TMEM178B: variants seen among roughly 807,000 people sequenced by gnomAD.
The protein encoded by TMEM178B is transmembrane protein 178B.
A neutral mutation model predicts 31.0 loss-of-function variants in TMEM178B; 5 were observed. That is an observed-to-expected ratio of 0.16 (90% CI 0.08 to 0.34). The LOEUF (loss-of-function observed/expected upper bound fraction) is 0.34. TMEM178B is among the 10% of genes least tolerant of loss of function. The pLI is 1.00. For missense variants in TMEM178B, 275 were observed against 400.3 expected (o/e 0.69, Z 2.67); for synonymous variants, 164 against 164.0 (o/e 1.00, Z 0.00).
intron 2 of TMEM178B, among the ~76,000 whole-genome samples, chr7:141,327,188 T>C (rs561134373): frequency 8.4e-4 from 128 of 152,324 alleles, no homozygotes; most frequent in African/African-American, 3.0e-3. Context: ...GCATGATGTA[T>C]AGAGTTTATG....
chr7:141,187,259 AAGG>A (rs1796625322), intron 1 of TMEM178B, among the ~76,000 whole-genome samples: 4 of 151,706 alleles, frequency 2.6e-5, no homozygotes, highest in Admixed American at 6.6e-5. Flanking sequence ...TGTCCCTACA[AAGG>A]ACATGAGCTC....
At chr7:141,252,796 G>A (rs1797856642) in intron 2 of TMEM178B, among the ~76,000 whole-genome samples, 1 of 152,168 alleles carries the variant, frequency 6.6e-6, no homozygotes, top group South Asian at 2.1e-4. Context: ...TCCAAAGTCT[G>A]AAAGCCAATA....
chr7:141,126,461 G>A (rs373845690), intron 1 of TMEM178B, among the ~76,000 whole-genome samples: 25 of 152,314 alleles, frequency 1.6e-4, no homozygotes, highest in Non-Finnish European at 1.2e-4. Flanking sequence ...GCAGTTTTAC[G>A]TGGAAGGCTG....
chr7:141,439,194 C>T (rs1451459951), intron 3 of TMEM178B, among the ~76,000 whole-genome samples: 2 of 152,030 alleles, frequency 1.3e-5, no homozygotes, highest in Non-Finnish European at 2.9e-5. Flanking sequence ...ACCCTTATTC[C>T]CTTGAAACAC....
chr7:141,166,179 C>A lies in TMEM178B; in HGVS notation c.383-46412C>A, dbSNP rs572286043. On this transcript the variant is annotated intron_variant, in intron 1 of 3. Transcript: ENST00000565468. ...ATAGTAGGTGGGACCCAGATGAAAC[C>A]TTCTTCCCAATTATGAAGTTCCCCT... Among the ~76,000 whole-genome samples the A allele has an allele frequency of 1.1e-4, 16 of 152,332 alleles. No homozygotes were observed. The Middle Eastern group carries it at 0.01, about 97-fold the overall frequency.
chr7:141,337,170 C>T (rs1416914181), intron 2 of TMEM178B, among the ~76,000 whole-genome samples: 14 of 73,902 alleles, frequency 1.9e-4, no homozygotes, highest in East Asian at 8.2e-4. Flanking sequence ...ACCACCACCA[C>T]CACCACCACC....
chr7:141,217,604 A>T (rs1251575647), intron 2 of TMEM178B, among the ~76,000 whole-genome samples: 2 of 151,468 alleles, frequency 1.3e-5, no homozygotes, highest in African/African-American at 4.9e-5. Context: ...ACAGAGCGAG[A>T]CTCCATCTCA....
At chr7:141,186,963 T>G (rs1159155240) in intron 1 of TMEM178B, among the ~76,000 whole-genome samples, 1 of 152,138 alleles carries the variant, frequency 6.6e-6, no homozygotes, top group Non-Finnish European at 1.5e-5. Flanking sequence ...TATTATACTT[T>G]AAGTTCTAGG....
intron 1 of TMEM178B, among the ~76,000 whole-genome samples, chr7:141,200,447 G>A (rs1029028976): frequency 2.0e-5 from 3 of 152,146 alleles, no homozygotes; most frequent in South Asian, 4.1e-4. Context: ...TGAAGGAGCT[G>A]TGGAATGAAA....
At chr7:141,504,034 T>G in the TMEM178B span, among the ~76,000 whole-genome samples, 1 of 152,222 alleles carries the variant, frequency 6.6e-6, no homozygotes, top group African/African-American at 2.4e-5. Flanking sequence ...GGCAGAATTT[T>G]AGAAGAAAAG....
chr7:141,247,071 A>G (rs1797743079), intron 2 of TMEM178B, among the ~76,000 whole-genome samples: 1 of 152,094 alleles, frequency 6.6e-6, no homozygotes, highest in African/African-American at 2.4e-5. Flanking sequence ...ATCCTGACAG[A>G]ATTATATATG....
At chr7:141,351,200 A>G (rs961912623) in intron 2 of TMEM178B, among the ~76,000 whole-genome samples, 1 of 152,226 alleles carries the variant, frequency 6.6e-6, no homozygotes, top group Admixed American at 6.5e-5. Flanking sequence ...TTTGCTGCAA[A>G]TGACCCCCAA....
chr7:141,228,599 T>C (rs1797384016), intron 2 of TMEM178B, among the ~76,000 whole-genome samples: 1 of 152,204 alleles, frequency 6.6e-6, no homozygotes, highest in South Asian at 2.1e-4. Context: ...AGGAGATGGC[T>C]GGTGCCCTCC....
chr7:141,236,467 A>G (rs138546074), intron 2 of TMEM178B, among the ~76,000 whole-genome samples: 1 of 152,332 alleles, frequency 6.6e-6, no homozygotes, highest in Non-Finnish European at 1.5e-5. Context: ...GCACTGGGGC[A>G]CTTTCTCTTG....
intron 2 of TMEM178B, among the ~76,000 whole-genome samples, chr7:141,338,212 G>A (rs1031821857): frequency 1.3e-5 from 2 of 152,146 alleles, no homozygotes; most frequent in African/African-American, 4.8e-5. Flanking sequence ...TATAACAAAG[G>A]GAAGGAAAGT....
At chr7:141,356,816 T>C (rs897292808) in intron 2 of TMEM178B, among the ~76,000 whole-genome samples, 2 of 152,004 alleles carry the variant, frequency 1.3e-5, no homozygotes, top group African/African-American at 4.8e-5. Context: ...CACTATGACC[T>C]CATACCATCC....
At chr7:141,149,540 G>GCAA (rs559066936) in intron 1 of TMEM178B, among the ~76,000 whole-genome samples, 31 of 151,890 alleles carry the variant, frequency 2.0e-4, no homozygotes, top group South Asian at 6.3e-4. Flanking sequence ...AACAACAACA[G>GCAA]CAACAACAAC....
chr7:141,163,468 A>G (rs1796210063), intron 1 of TMEM178B, among the ~76,000 whole-genome samples: 1 of 152,158 alleles, frequency 6.6e-6, no homozygotes, highest in Non-Finnish European at 1.5e-5. Context: ...GGGATCATTA[A>G]TGCAGTCTAC....
intron 2 of TMEM178B, among the ~76,000 whole-genome samples, chr7:141,381,467 A>G (rs541180771): frequency 1.3e-5 from 2 of 152,068 alleles, no homozygotes; most frequent in Non-Finnish European, 2.9e-5. Context: ...TTTGTTTTTT[A>G]TATTTCTTCT....
Sources: allele counts gnomAD v4.1 joint callset (sites outside exome capture counted in the v4.1 genomes callset), GRCh38; gene constraint gnomAD v4.1.1; transcripts MANE v1.5; gene names NCBI Gene and HGNC (gene_info 2026-07-23, HGNC 2026-07-21).